The following LRP12 variants were observed in gnomAD, a reference collection of about 807,000 sequenced individuals.
LRP12 encodes the protein low-density lipoprotein receptor-related protein 12.
Under a neutral mutation model 66.0 loss-of-function variants are expected in LRP12, and 14 were observed. The observed-to-expected ratio is 0.21, with a 90% confidence interval of 0.14 to 0.33. LRP12 has a LOEUF of 0.33. Ranked by LOEUF, LRP12 falls within the 10% of genes least tolerant of loss-of-function variation. The pLI, the probability that LRP12 is intolerant of heterozygous loss-of-function variation, is 1.00. For missense variants in LRP12, 889 were observed against 1,053.4 expected (o/e 0.84, Z 2.16); for synonymous variants, 357 against 359.1 (o/e 0.99, Z 0.07).
At chr8:104,525,726 T>G (rs907035902) in intron 2 of LRP12, among the ~76,000 whole-genome samples, 82 of 152,238 alleles carry the variant, frequency 5.4e-4, no homozygotes, top group Admixed American at 2.6e-4. Flanking sequence ...GCCAATATCA[T>G]ACTGAATGGG....
chr8:104,550,954 A>G (rs2140880308), intron 1 of LRP12, among the ~76,000 whole-genome samples: 1 of 152,284 alleles, frequency 6.6e-6, no homozygotes, highest in Non-Finnish European at 1.5e-5. Flanking sequence ...GGTACATCTG[A>G]CATTAACCTT....
chr8:104,547,172 T>C (rs1373954064), intron 1 of LRP12, among the ~76,000 whole-genome samples: 1 of 141,062 alleles, frequency 7.1e-6, no homozygotes, highest in Admixed American at 7.4e-5. Context: ...ACTTTGTATA[T>C]AATATACAAT....
chr8:104,523,220 ACCTTG>A (rs1811177303), intron 2 of LRP12, among the ~76,000 whole-genome samples: 1 of 152,078 alleles, frequency 6.6e-6, no homozygotes, highest in African/African-American at 2.4e-5. Context: ...AATTTGAAAA[ACCTTG>A]CAGACAAATT....
chr8:104,524,169 G>A (rs1811193005), intron 2 of LRP12, among the ~76,000 whole-genome samples: 1 of 150,472 alleles, frequency 6.6e-6, no homozygotes, highest in African/African-American at 2.5e-5. Flanking sequence ...TTGAGCCCAG[G>A]AGGTGGAGGT....
At chr8:104,534,681 TAAAAG>T (rs978527108) in intron 1 of LRP12, among the ~76,000 whole-genome samples, 1 of 151,970 alleles carries the variant, frequency 6.6e-6, no homozygotes, top group African/African-American at 2.4e-5. Context: ...ATTTAGAAGT[TAAAAG>T]AAATCAATGA....
At chr8:104,533,917 T>C (rs1367453803) in intron 1 of LRP12, among the ~76,000 whole-genome samples, 1 of 152,082 alleles carries the variant, frequency 6.6e-6, no homozygotes. Context: ...TTGTGGATTC[T>C]GAGCTATATT....
At chr8:104,540,979 G>A (rs1364094268) in intron 1 of LRP12, among the ~76,000 whole-genome samples, 3 of 152,106 alleles carry the variant, frequency 2.0e-5, no homozygotes, top group African/African-American at 4.8e-5. Context: ...TGATCCACCC[G>A]CCTCAGCCTC....
At chr8:104,513,955 C>T (rs546450748) in intron 2 of LRP12, among the ~76,000 whole-genome samples, 72 of 152,266 alleles carry the variant, frequency 4.7e-4, no homozygotes, top group African/African-American at 1.5e-3. Context: ...TTCCCAAATC[C>T]GTCTTCAGAA....
chr8:104,524,939 T>C (rs2140856597), intron 2 of LRP12, among the ~76,000 whole-genome samples: 1 of 152,262 alleles, frequency 6.6e-6, no homozygotes, highest in East Asian at 1.9e-4. Flanking sequence ...TATATTTGTT[T>C]AATGTGTACA....
chr8:104,581,270 C>T (rs1484067726), intron 1 of LRP12, among the ~76,000 whole-genome samples: 1 of 152,078 alleles, frequency 6.6e-6, no homozygotes, highest in Non-Finnish European at 1.5e-5. Flanking sequence ...GGGAACAACA[C>T]ATACTGGGGC....
At position 104,490,965 on chromosome 8, in the gene LRP12, C is replaced by G. The variant is rs746083951; in HGVS notation, c.2288G>C (p.Gly763Ala). ...NQSPLRQLDN[G>A]VSGREDDDDV... is the part of the protein sequence containing the mutation. ...ATCATCATCTTCTCTTCCACTTACC[C>G]CATTATCAAGTTGTCTCAAAGGACT... Residue 763 changes from glycine to alanine, a missense_variant, in exon 7 of 7, where the codon GGG becomes GCG. Gly to Ala is a moderately conservative substitution (Grantham distance 60). Around this residue, in one of 3 missense-constraint regions of LRP12, gnomAD observed 800 missense variants for 964.5 expected, o/e 0.83. Transcript: ENST00000276654. 4 of 1,613,916 alleles carry G rather than the reference C, an allele frequency of 2.5e-6. No individual in the cohort carries two copies. The South Asian group carries it at 4.4e-5, about 18-fold the overall frequency.
chr8:104,498,321 C>T (rs2140833672), intron 4 of LRP12, among the ~76,000 whole-genome samples: 1 of 152,256 alleles, frequency 6.6e-6, no homozygotes, highest in East Asian at 1.9e-4. Flanking sequence ...ATCAATCCAT[C>T]ACCTAGGTAT....
chr8:104,575,788 G>T (rs1812155742), intron 1 of LRP12, among the ~76,000 whole-genome samples: 1 of 152,004 alleles, frequency 6.6e-6, no homozygotes, highest in Admixed American at 6.6e-5. Flanking sequence ...CTGAATGACA[G>T]AAATAGAAAT....
chr8:104,570,971 A>C (rs958387574), intron 1 of LRP12, among the ~76,000 whole-genome samples: 1 of 152,246 alleles, frequency 6.6e-6, no homozygotes, highest in Non-Finnish European at 1.5e-5. Context: ...GAAGATGTTC[A>C]ATATCATTAG....
intron 1 of LRP12, among the ~76,000 whole-genome samples, chr8:104,537,127 A>C (rs1811402664): frequency 6.7e-6 from 1 of 150,164 alleles, no homozygotes; most frequent in South Asian, 2.1e-4. Context: ...CCCTGAGAAA[A>C]GGGAAACAAA....
chr8:104,553,767 C>A (rs1194378594), intron 1 of LRP12, among the ~76,000 whole-genome samples: 4 of 152,170 alleles, frequency 2.6e-5, no homozygotes, highest in African/African-American at 7.2e-5. Flanking sequence ...ATCCTCCTTA[C>A]ACTACCACAG....
At chr8:104,575,083 G>A (rs4476985) in intron 1 of LRP12, among the ~76,000 whole-genome samples, 205 of 152,290 alleles carry the variant, frequency 1.3e-3, no homozygotes, top group African/African-American at 4.4e-3. Flanking sequence ...GGAACATGGT[G>A]TGGGAGAGGG....
chr8:104,509,019 T>C lies in LRP12; in HGVS notation c.192A>G (p.Pro64=). 3 of 1,613,958 alleles carry C rather than the reference T, an allele frequency of 1.9e-6. No individual in the cohort carries two copies. Among genetic ancestry groups the C allele is most frequent in the Non-Finnish European group, 2.5e-6 (3 of 1,179,866 alleles). ...TTGCAGGATATTCAGAAGGCCAGCC[T>C]GGGCTTGTGATTATGCCACTTGGTG... ...IRAPSGIITS[P]GWPSEYPAKI... The change falls in exon 3 of 7, where the codon CCA becomes CCG. Residue 64 remains proline, a synonymous_variant. Transcript: ENST00000276654.
At chr8:104,567,052 G>A (rs571280251) in intron 1 of LRP12, among the ~76,000 whole-genome samples, 8 of 151,388 alleles carry the variant, frequency 5.3e-5, no homozygotes, top group Non-Finnish European at 1.0e-4. Flanking sequence ...TAAGAGAGCA[G>A]GAAAATTAAA....
Sources: allele counts gnomAD v4.1 joint callset (sites outside exome capture counted in the v4.1 genomes callset), GRCh38; gene constraint gnomAD v4.1.1; regional missense constraint gnomAD v4.1.1; transcripts MANE v1.5; gene names NCBI Gene and HGNC (gene_info 2026-07-23, HGNC 2026-07-21).